Variants in PCCA observed in about 807,000 individuals in gnomAD.
The protein encoded by PCCA is propionyl-CoA carboxylase alpha chain, mitochondrial.
A neutral mutation model predicts 101.3 loss-of-function variants in PCCA; 74 were observed. The observed-to-expected ratio is 0.73, with a 90% CI of 0.61 to 0.89. The LOEUF (loss-of-function observed/expected upper bound fraction) is 0.89, where lower values mean the gene tolerates loss of function less well. Among genes scored for constraint, PCCA ranks in the 40% least tolerant of loss-of-function variants. The pLI is 0.00. For missense variants in PCCA, 891 were observed against 907.0 expected (o/e 0.98, Z 0.23); for synonymous variants, 294 against 313.6 (o/e 0.94, Z 0.66).
At position 100,285,009 on chromosome 13, in the gene PCCA, A is replaced by G. The variant is rs181717849; in HGVS notation, c.1065+11663A>G. Among the ~76,000 whole-genome samples, 333 of 152,334 alleles carry G rather than the reference A, an allele frequency of 2.2e-3. 3 individuals carry two copies. Among genetic ancestry groups the G allele is most frequent in the African/African-American group, 7.7e-3 (322 of 41,586 alleles). ...GAACTTTCTAGCTGATCAAGGGTAC[A>G]AGGTGTCTAGGTCGAAGGCCCCAGC... On this transcript the variant is annotated intron_variant, in intron 12 of 23. Coordinates refer to ENST00000376285, the MANE Select transcript of PCCA (RefSeq NM_000282.4).
At chr13:100,186,872 A>G (rs1015083025) in intron 6 of PCCA, among the ~76,000 whole-genome samples, 2 of 152,226 alleles carry the variant, frequency 1.3e-5, no homozygotes, top group African/African-American at 4.8e-5. Context: ...TCTCTTAAGT[A>G]TATGCCAATT....
intron 4 of PCCA, among the ~76,000 whole-genome samples, chr13:100,137,818 T>A (rs77673171): frequency 2.0e-5 from 3 of 147,962 alleles, no homozygotes; most frequent in Non-Finnish European, 3.0e-5. Context: ...TTTTTTTTTT[T>A]ATTTTTTTCG....
chr13:100,397,380 G>A (rs778698781), intron 19 of PCCA, among the ~76,000 whole-genome samples: 3 of 152,128 alleles, frequency 2.0e-5, no homozygotes, highest in Non-Finnish European at 2.9e-5. Flanking sequence ...CTAGGATTCT[G>A]TGAGTGTGAT....
intron 19 of PCCA, among the ~76,000 whole-genome samples, chr13:100,395,070 T>G (rs1211389294): frequency 6.6e-6 from 1 of 152,222 alleles, no homozygotes; most frequent in Non-Finnish European, 1.5e-5. Context: ...AAACTTTCTT[T>G]GCTCTAACAT....
At chr13:100,392,472 T>C (rs968103122) in intron 19 of PCCA, among the ~76,000 whole-genome samples, 4 of 152,226 alleles carry the variant, frequency 2.6e-5, no homozygotes, top group African/African-American at 9.6e-5. Flanking sequence ...ACCTAGGAAA[T>C]GTGATTTCAA....
At chr13:100,256,559 TAGGAAGC>T (rs2152556911) in intron 8 of PCCA, among the ~76,000 whole-genome samples, 1 of 152,280 alleles carries the variant, frequency 6.6e-6, no homozygotes, top group East Asian at 1.9e-4. Context: ...ATAAAACGCT[TAGGAAGC>T]AGGTGCCATT....
At chr13:100,440,093 CAT>C (rs1305309752) in intron 20 of PCCA, among the ~76,000 whole-genome samples, 6 of 146,114 alleles carry the variant, frequency 4.1e-5, no homozygotes, top group African/African-American at 1.5e-4. Context: ...ACATGAATCT[CAT>C]GTTATTTACT....
intron 19 of PCCA, among the ~76,000 whole-genome samples, chr13:100,400,539 T>A (rs1370360809): frequency 1.3e-5 from 2 of 151,882 alleles, no homozygotes; most frequent in Non-Finnish European, 2.9e-5. Flanking sequence ...TGTCTATATG[T>A]GACTATATGT....
intron 18 of PCCA, among the ~76,000 whole-genome samples, chr13:100,358,406 G>A (rs1370215729): frequency 1.3e-5 from 2 of 152,142 alleles, no homozygotes; most frequent in Non-Finnish European, 2.9e-5. Context: ...TTACTAAAAT[G>A]TTTGTTTCAT....
At chr13:100,486,940 C>T (rs963133191) in intron 21 of PCCA, among the ~76,000 whole-genome samples, 6 of 152,128 alleles carry the variant, frequency 3.9e-5, no homozygotes, top group African/African-American at 7.2e-5. Flanking sequence ...AAAGCCCCCA[C>T]AAACATGAAA....
intron 6 of PCCA, among the ~76,000 whole-genome samples, chr13:100,189,476 C>A (rs1043426890): frequency 2.0e-5 from 3 of 152,018 alleles, no homozygotes; most frequent in Non-Finnish European, 2.9e-5. Flanking sequence ...TGTTTGAGTT[C>A]GTTGTACATT....
intron 21 of PCCA, among the ~76,000 whole-genome samples, chr13:100,459,483 C>T (rs896639462): frequency 4.6e-5 from 7 of 152,192 alleles, no homozygotes; most frequent in Non-Finnish European, 1.0e-4. Context: ...TGTATGACTG[C>T]AGTTCGTACC....
Position 100,089,230 on chromosome 13 carries a change from G to T in PCCA, c.105+5G>T. ...GCGGCGCTGCGGACCCTGAAGGTGAGGAGCAACGGGGCCTCGCGGGTCCGG... is the reference window on the plus strand; with the variant it reads ...GCGGCGCTGCGGACCCTGAAGGTGATGAGCAACGGGGCCTCGCGGGTCCGG... On this transcript the variant is annotated splice_donor_5th_base_variant and intron_variant, in intron 1 of 23. Coordinates refer to ENST00000376285, the MANE Select transcript of PCCA (RefSeq NM_000282.4). 6.7e-7 allele frequency: 1 copy of T among 1,498,962 alleles called. No individual in the cohort carries two copies. The allele number at this position is 1,498,962 out of a possible 1,614,324, so 92.9% of individuals were successfully genotyped here.
chr13:100,298,732 T>G lies in PCCA; in HGVS notation c.1066-2728T>G, dbSNP rs577818174. ...CTTCCTTCCTTCCTTCCTTCCTTCCTTCCTTCCTTCCGTCCTTCCTTCCGT... is the reference window on the plus strand; with the variant it reads ...CTTCCTTCCTTCCTTCCTTCCTTCCGTCCTTCCTTCCGTCCTTCCTTCCGT... On this transcript the variant is annotated intron_variant, in intron 12 of 23. Transcript: ENST00000376285. 5.3e-3 allele frequency among the ~76,000 whole-genome samples: 549 copies of G among 104,324 alleles called. 12 individuals carry two copies. The highest frequency in any genetic ancestry group is 9.8e-3 in the African/African-American group (258 of 26,310). The allele number at this position is 104,324 out of a possible 152,430, so 68.4% of individuals were successfully genotyped here.
chr13:100,174,597 G>A (rs1011686112), intron 6 of PCCA, among the ~76,000 whole-genome samples: 5 of 150,356 alleles, frequency 3.3e-5, no homozygotes, highest in East Asian at 3.9e-4. Context: ...GCATGGTGGC[G>A]CATGCCTGTA....
intron 19 of PCCA, among the ~76,000 whole-genome samples, chr13:100,409,011 G>A (rs536717781): frequency 2.5e-4 from 38 of 152,302 alleles, no homozygotes; most frequent in South Asian, 1.2e-3. Context: ...TGGGGAAGGG[G>A]AAGGCTCCAG....
chr13:100,408,172 TAAG>T, intron 19 of PCCA, among the ~76,000 whole-genome samples: 1 of 152,120 alleles, frequency 6.6e-6, no homozygotes, highest in Non-Finnish European at 1.5e-5. Context: ...ACAAACTTGA[TAAG>T]TTGTTTTAAT....
intron 19 of PCCA, among the ~76,000 whole-genome samples, chr13:100,392,463 C>T (rs1246105294): frequency 2.6e-5 from 4 of 152,120 alleles, no homozygotes; most frequent in Non-Finnish European, 4.4e-5. Flanking sequence ...AAATTTAGCA[C>T]CTAGGAAATG....
chr13:100,319,694 T>A (rs2067791425), intron 16 of PCCA, among the ~76,000 whole-genome samples: 1 of 152,234 alleles, frequency 6.6e-6, no homozygotes, highest in Admixed American at 6.5e-5. Context: ...CATTGGTCCA[T>A]ATGTCTGTTT....
Sources: allele counts gnomAD v4.1 joint callset (sites outside exome capture counted in the v4.1 genomes callset), GRCh38; gene constraint gnomAD v4.1.1; transcripts MANE v1.5; gene names NCBI Gene and HGNC (gene_info 2026-07-23, HGNC 2026-07-21).